Variants in PTPN3 observed in about 807,000 individuals in gnomAD.
PTPN3 encodes protein tyrosine phosphatase non-receptor type 3.
A neutral mutation model predicts 132.7 loss-of-function variants in PTPN3; 96 were observed. That is an observed-to-expected ratio of 0.72 (90% confidence interval 0.61 to 0.86). PTPN3 has a LOEUF of 0.86. PTPN3 is among the 40% of genes least tolerant of loss of function. PTPN3 has a pLI of 0.00. For synonymous variants in PTPN3, 398 were observed against 429.0 expected (o/e 0.93, Z 0.89); for missense variants, 1,125 against 1,159.6 (o/e 0.97, Z 0.43).
At chr9:109,382,974 C>T (rs1839241435) in intron 23 of PTPN3, among the ~76,000 whole-genome samples, 1 of 152,114 alleles carries the variant, frequency 6.6e-6, no homozygotes. Context: ...CCTCCTTCCC[C>T]AAGCCCTTGG....
At chr9:109,504,159 C>G in the PTPN3 span, among the ~76,000 whole-genome samples, 3 of 152,126 alleles carry the variant, frequency 2.0e-5, no homozygotes, top group Admixed American at 2.0e-4. Flanking sequence ...GAAGAATCTT[C>G]TGGTCAGAGA....
At chr9:109,474,426 T>G (rs1187480960) in intron 1 of PTPN3, among the ~76,000 whole-genome samples, 1 of 151,752 alleles carries the variant, frequency 6.6e-6, no homozygotes, top group African/African-American at 2.4e-5. Flanking sequence ...GGCCAGGGAG[T>G]GGGCAGTATC....
intron 1 of PTPN3, among the ~76,000 whole-genome samples, chr9:109,484,054 C>A (rs1464555309): frequency 1.3e-5 from 2 of 152,198 alleles, no homozygotes; most frequent in African/African-American, 2.4e-5. Flanking sequence ...CACTCTGTCG[C>A]GAGCTGCCAT....
chr9:109,448,917 AAG>A (rs1554797998), intron 5 of PTPN3, 62 bp from the exon 6 acceptor site: 1 of 1,561,728 alleles, frequency 6.4e-7, no homozygotes, highest in Admixed American at 2.2e-5. Flanking sequence ...AAAAAAAAAA[AAG>A]AAAGTTTGAT....
chr9:109,472,691 GC>G (rs1280141065), intron 1 of PTPN3, among the ~76,000 whole-genome samples: 27 of 152,162 alleles, frequency 1.8e-4, no homozygotes, highest in African/African-American at 5.5e-4. Context: ...ACTACCTTCT[GC>G]CATTTTTAGC....
At chr9:109,403,123 G>A (rs551132445) in intron 19 of PTPN3, among the ~76,000 whole-genome samples, 9 of 152,242 alleles carry the variant, frequency 5.9e-5, no homozygotes, top group East Asian at 1.9e-4. Context: ...TTGTTTTGGC[G>A]GGGAAGTCAG....
intron 7 of PTPN3, among the ~76,000 whole-genome samples, chr9:109,440,842 G>A (rs1414560557): frequency 6.6e-6 from 1 of 152,150 alleles, no homozygotes; most frequent in African/African-American, 2.4e-5. Context: ...CCTCCCTGTG[G>A]GGTGGTTTTC....
In PTPN3 at chr9:109,406,725, G is replaced by T. The variant is rs747012418; in HGVS notation, c.1636-107C>A. 6 of 1,427,800 alleles carry T rather than the reference G, an allele frequency of 4.2e-6. No individual in the cohort carries two copies. The African/African-American group carries it at 8.4e-5, about 20-fold the overall frequency. The allele number at this position is 1,427,800 out of a possible 1,614,324, so 88.4% of individuals were successfully genotyped here. On this transcript the variant is annotated intron_variant, in intron 17 of 25. Coordinates refer to ENST00000374541, the MANE Select transcript of PTPN3 (RefSeq NM_002829.4). The stretch of plus-strand genomic sequence containing the variant: ...GACACCTGGGACCATGATCAAGTTT[G>T]CCTTCTCTCCCTCGGGTAGTACTGT...
At chr9:109,459,276 C>T (rs113840294) in intron 2 of PTPN3, among the ~76,000 whole-genome samples, 1 of 152,246 alleles carries the variant, frequency 6.6e-6, no homozygotes, top group Non-Finnish European at 1.5e-5. Flanking sequence ...GAGAGAAGAA[C>T]GACTGATATC....
In PTPN3 at chr9:109,463,439, A is replaced by G. The variant is rs938126773; in HGVS notation, c.-5T>C. On this transcript the variant is annotated 5_prime_UTR_variant, in exon 2 of 26. The change abolishes the stop of an existing upstream ORF in the 5' untranslated region. Transcript: ENST00000374541. ...CGCACGTAACCGGGAGGTCATAACT[A>G]TCGCTGAATAACCTGTAACATAAAA... is the stretch of plus-strand genomic sequence containing the variant. 6.2e-7 allele frequency: 1 copy of G among 1,604,118 alleles called. No individual in the cohort carries two copies. Among genetic ancestry groups the G allele is most frequent in the African/African-American group, 1.3e-5 (1 of 74,190 alleles).
chr9:109,389,586 T>C (rs1053699823), intron 21 of PTPN3, among the ~76,000 whole-genome samples: 1 of 152,204 alleles, frequency 6.6e-6, no homozygotes, highest in Non-Finnish European at 1.5e-5. Context: ...ATCTTTAAGA[T>C]AAAAGTGTGT....
chr9:109,383,383 G>A (rs1839284400), intron 23 of PTPN3, 40 bp downstream of exon 23: 7 of 1,613,900 alleles, frequency 4.3e-6, no homozygotes, highest in South Asian at 1.1e-5. Context: ...CGCTGATTCA[G>A]CACCTGCCCC....
chr9:109,420,834 A>C (rs190297812), intron 13 of PTPN3, among the ~76,000 whole-genome samples: 1 of 152,182 alleles, frequency 6.6e-6, no homozygotes, highest in Admixed American at 6.5e-5. Flanking sequence ...TCAGCTGTAT[A>C]AACAGGCAGA....
At chr9:109,479,774 T>C (rs965839682) in intron 1 of PTPN3, among the ~76,000 whole-genome samples, 12 of 152,368 alleles carry the variant, frequency 7.9e-5, no homozygotes, top group African/African-American at 2.9e-4. Context: ...AGACTGGGTT[T>C]CGCCCTGTTG....
intron 16 of PTPN3, among the ~76,000 whole-genome samples, chr9:109,408,790 AAAAAAAAT>A (rs1342515118): frequency 1.7e-5 from 1 of 59,212 alleles, no homozygotes; most frequent in African/African-American, 6.8e-5. Flanking sequence ...TTAAAAAAAA[AAAAAAAAT>A]ATATATATAT....
At chr9:109,526,783 T>C in the PTPN3 span, among the ~76,000 whole-genome samples, 1 of 152,156 alleles carries the variant, frequency 6.6e-6, no homozygotes, top group Non-Finnish European at 1.5e-5. Flanking sequence ...CTTATAAAGC[T>C]ATAGCAATTA....
chr9:109,410,997 G>A (rs1438409448), intron 14 of PTPN3, among the ~76,000 whole-genome samples: 2 of 152,142 alleles, frequency 1.3e-5, no homozygotes, highest in African/African-American at 2.4e-5. Flanking sequence ...CTTCTGTATC[G>A]TGGAGCTGCA....
rs767205228 is a variant in PTPN3, at chr9:109,383,567, G to A, written c.2254-16C>T. ...GACATTTGGTCTGTAAGAAACCACC[G>A]AGAGTGAGTGAGCCCCGTCTGTGGG... is the stretch of plus-strand genomic sequence containing the variant. On this transcript the variant is annotated splice_polypyrimidine_tract_variant and intron_variant, in intron 22 of 25. Transcript: ENST00000374541. 8.1e-6 allele frequency: 13 copies of A among 1,612,060 alleles called. No individual in the cohort carries two copies. The highest frequency in any genetic ancestry group is 2.2e-5 in the East Asian group (1 of 44,826).
At chr9:109,513,681 C>A in the PTPN3 span, among the ~76,000 whole-genome samples, 1 of 152,092 alleles carries the variant, frequency 6.6e-6, no homozygotes, top group African/African-American at 2.4e-5. Context: ...GCTGTTTACT[C>A]CTGGACATAG....
Sources: allele counts gnomAD v4.1 joint callset (sites outside exome capture counted in the v4.1 genomes callset), GRCh38; gene constraint gnomAD v4.1.1; transcripts MANE v1.5; gene names NCBI Gene and HGNC (gene_info 2026-07-23, HGNC 2026-07-21).